Variants in NRCAM observed in about 807,000 individuals in gnomAD.
The protein encoded by NRCAM is NgCAM-related cell adhesion molecule.
Under a neutral mutation model 156.5 loss-of-function variants are expected in NRCAM, and 83 were observed. The ratio of observed to expected loss-of-function variants is 0.53; its 90% confidence interval spans 0.44 to 0.64. NRCAM has a LOEUF of 0.64. Ranked by LOEUF, NRCAM falls within the 30% of genes least tolerant of loss-of-function variation. The probability of loss-of-function intolerance (pLI) is 0.00; values close to 1 mark genes in which losing one functional copy is unlikely to be tolerated. For missense variants in NRCAM, 1,417 were observed against 1,597.3 expected (o/e 0.89, Z 1.92); for synonymous variants, 538 against 563.9 (o/e 0.95, Z 0.65).
chr7:108,177,964 CCCTTCTCTTCCT>C lies in NRCAM; in HGVS notation c.2974+14_2974+25del. ...TAAATAAAATAAAAAAACATATTTC[CCCTTCTCTTCCT>C]CCCAACAGCTTACTTGGCTGATACT... is the stretch of plus-strand genomic sequence containing the variant. On this transcript the variant is annotated intron_variant, in intron 26 of 32. Transcript: ENST00000379028. 6.4e-7 allele frequency: 1 copy of C among 1,564,596 alleles called. No individual in the cohort carries two copies. Among genetic ancestry groups the C allele is most frequent in the Non-Finnish European group, 8.6e-7 (1 of 1,157,860 alleles).
chr7:108,328,218 T>C (rs770189509), intron 2 of NRCAM, among the ~76,000 whole-genome samples: 1 of 152,120 alleles, frequency 6.6e-6, no homozygotes, highest in Non-Finnish European at 1.5e-5. Context: ...CACTAACCAA[T>C]AGCACACAAA....
intron 2 of NRCAM, among the ~76,000 whole-genome samples, chr7:108,346,826 A>C (rs1212652592): frequency 6.6e-6 from 1 of 152,106 alleles, no homozygotes; most frequent in Non-Finnish European, 1.5e-5. Flanking sequence ...GAGTACATAC[A>C]TGTTTGGATT....
chr7:108,293,841 G>T (rs1010198640), intron 3 of NRCAM, among the ~76,000 whole-genome samples: 2 of 152,322 alleles, frequency 1.3e-5, no homozygotes, highest in South Asian at 2.1e-4. Context: ...CTGTGAGTTA[G>T]ATACCGGCTT....
chr7:108,178,012 C>T lies in NRCAM; in HGVS notation c.2952G>A (p.Glu984=), dbSNP rs148760217. The change falls in exon 26 of 33, where the codon GAG becomes GAA. Residue 984 remains glutamate (E), a synonymous_variant. Coordinates refer to ENST00000379028, the MANE Select transcript of NRCAM (RefSeq NM_001037132.4). The part of the protein sequence containing the change: ...PPSHPNGILT[E]YTLKYQPINS... ...TACTTGGCTGATACTTTAAGGTGTA[C>T]TCTGTCAAAATGCCATTCGGGTGGC... The T allele has an allele frequency of 1.9e-6, 3 of 1,613,092 alleles. No homozygotes were observed. In the African/African-American group the frequency reaches 4.0e-5, roughly 22 times the overall value.
At chr7:108,308,044 C>T (rs2098744705) in intron 3 of NRCAM, among the ~76,000 whole-genome samples, 1 of 152,162 alleles carries the variant, frequency 6.6e-6, no homozygotes, top group African/African-American at 2.4e-5. Flanking sequence ...TTATGTTGCA[C>T]AATTAAAGTT....
At chr7:108,259,967 A>C (rs1048146565) in intron 3 of NRCAM, among the ~76,000 whole-genome samples, 1 of 152,254 alleles carries the variant, frequency 6.6e-6, no homozygotes, top group Non-Finnish European at 1.5e-5. Context: ...ACAAACCTGC[A>C]CATCCTTCAC....
At chr7:108,236,326 T>C (rs2094990668) in intron 5 of NRCAM, among the ~76,000 whole-genome samples, 1 of 152,186 alleles carries the variant, frequency 6.6e-6, no homozygotes, top group African/African-American at 2.4e-5. Context: ...ATTACTGTCA[T>C]CATTTATTGT....
chr7:108,175,913 A>G lies in NRCAM; in HGVS notation c.3151+517T>C, dbSNP rs2060292435. Among the ~76,000 whole-genome samples the G allele has an allele frequency of 2.0e-5, 3 of 152,174 alleles. No individual in the cohort carries two copies. The South Asian group carries it at 6.2e-4, about 31-fold the overall frequency. On this transcript the variant is annotated intron_variant, in intron 27 of 32. Transcript: ENST00000379028. ...AAAATGCAAAATCTTTTGCTCAAAC[A>G]CAAAATAAATGCACTCTTTAATAAC...
Position 108,366,771 on chromosome 7 carries a change from C to T in NRCAM, c.-174+32665G>A, listed in dbSNP as rs145704963. Among the ~76,000 whole-genome samples the T allele has an allele frequency of 3.9e-4, 60 of 152,292 alleles. 1 individual carries two copies. Among genetic ancestry groups the T allele is most frequent in the Middle Eastern group, 3.4e-3 (1 of 294 alleles). On this transcript the variant is annotated intron_variant, in intron 2 of 32. Coordinates refer to ENST00000379028, the MANE Select transcript of NRCAM (RefSeq NM_001037132.4). ...TGCAAGCTAATTGTCCAAGATTGTA[C>T]AGCTGGAATTCAATGCCAGATATAT...
chr7:108,405,676 C>T (rs1386584744), intron 1 of NRCAM, among the ~76,000 whole-genome samples: 2 of 152,086 alleles, frequency 1.3e-5, no homozygotes, highest in African/African-American at 4.8e-5. Flanking sequence ...GGAGGGAAAG[C>T]CACTAGATGA....
chr7:108,291,375 A>G (rs2098283367), intron 3 of NRCAM, among the ~76,000 whole-genome samples: 1 of 152,220 alleles, frequency 6.6e-6, no homozygotes, highest in Non-Finnish European at 1.5e-5. Flanking sequence ...GAACAAGCAA[A>G]TGCTTAGAGG....
chr7:108,379,038 T>A (rs2099689588), intron 2 of NRCAM, among the ~76,000 whole-genome samples: 1 of 152,090 alleles, frequency 6.6e-6, no homozygotes, highest in Admixed American at 6.6e-5. Flanking sequence ...TGACTCCTGA[T>A]AGCAAAATAA....
intron 2 of NRCAM, among the ~76,000 whole-genome samples, chr7:108,321,008 G>C (rs1214592908): frequency 3.3e-5 from 5 of 152,232 alleles, no homozygotes; most frequent in Admixed American, 2.0e-4. Context: ...TAATTGCATA[G>C]TGAGCTATTC....
chr7:108,188,998 A>G (rs1347618450), intron 20 of NRCAM, among the ~76,000 whole-genome samples: 1 of 151,200 alleles, frequency 6.6e-6, no homozygotes, highest in Non-Finnish European at 1.5e-5. Flanking sequence ...TTACAATTCA[A>G]CTTCGAAGCT....
At chr7:108,276,667 G>C (rs923122112) in intron 3 of NRCAM, among the ~76,000 whole-genome samples, 2 of 152,014 alleles carry the variant, frequency 1.3e-5, no homozygotes, top group African/African-American at 4.8e-5. Context: ...ACAGCACAAT[G>C]ATGGGTCTTG....
At chr7:108,443,891 GATAC>G (rs796654844) in intron 1 of NRCAM, among the ~76,000 whole-genome samples, 3,443 of 145,818 alleles carry the variant, frequency 0.024, 50 homozygotes, top group African/African-American at 0.038. Flanking sequence ...TAGATAGATA[GATAC>G]ATACATACAT....
intron 2 of NRCAM, among the ~76,000 whole-genome samples, chr7:108,320,244 G>A (rs978435013): frequency 1.3e-5 from 2 of 152,094 alleles, no homozygotes; most frequent in Admixed American, 1.3e-4. Context: ...TTGGGTCCAG[G>A]AGTTCAAGAC....
At chr7:108,199,853 TAGA>T (rs1372130157) in intron 13 of NRCAM, among the ~76,000 whole-genome samples, 1 of 151,770 alleles carries the variant, frequency 6.6e-6, no homozygotes, top group African/African-American at 2.4e-5. Context: ...CGGGGTGGGG[TAGA>T]AGGAGGGATT....
At chr7:108,390,668 G>T (rs568782156) in intron 2 of NRCAM, among the ~76,000 whole-genome samples, 3 of 152,176 alleles carry the variant, frequency 2.0e-5, no homozygotes, top group South Asian at 4.2e-4. Context: ...TGATGTTAGG[G>T]TGTCAATTTT....
Sources: allele counts gnomAD v4.1 joint callset (sites outside exome capture counted in the v4.1 genomes callset), GRCh38; gene constraint gnomAD v4.1.1; transcripts MANE v1.5; gene names NCBI Gene and HGNC (gene_info 2026-07-23, HGNC 2026-07-21).